Variants in R3HDM2 observed in about 807,000 individuals in gnomAD.
The protein encoded by R3HDM2 is R3H domain-containing protein 2.
R3HDM2 carries 38 observed loss-of-function variants against 124.5 expected under a neutral mutation model. The observed-to-expected ratio is 0.31, with a 90% CI of 0.24 to 0.40. The LOEUF is 0.40. Ranked by LOEUF, R3HDM2 falls within the 10% of genes least tolerant of loss-of-function variation. R3HDM2 has a pLI of 1.00. For missense variants in R3HDM2, 869 were observed against 1,236.9 expected, an observed-to-expected ratio of 0.70 and a Z score of 4.46; for synonymous variants, 391 against 448.0, an observed-to-expected ratio of 0.87 and a Z score of 1.61.
chr12:57,413,744 AAAC>A (rs570961964), intron 1 of R3HDM2, among the ~76,000 whole-genome samples: 4 of 151,820 alleles, frequency 2.6e-5, no homozygotes, highest in South Asian at 2.1e-4. Flanking sequence ...CTCAAGGAAA[AAAC>A]AACAACAACA....
chr12:57,375,503 T>C (rs1285430624), intron 2 of R3HDM2, among the ~76,000 whole-genome samples: 3 of 152,164 alleles, frequency 2.0e-5, no homozygotes, highest in Admixed American at 1.3e-4. Flanking sequence ...GCCATTCAAC[T>C]TACACTGTGC....
intron 12 of R3HDM2, among the ~76,000 whole-genome samples, chr12:57,288,649 C>T (rs1033341106): frequency 6.6e-6 from 1 of 151,866 alleles, no homozygotes; most frequent in East Asian, 1.9e-4. Flanking sequence ...GTTTAGGACT[C>T]GAAATGAAAT....
intron 2 of R3HDM2, among the ~76,000 whole-genome samples, chr12:57,373,664 C>CGGG (rs1045717681): frequency 6.6e-6 from 1 of 151,038 alleles, no homozygotes; most frequent in Non-Finnish European, 1.5e-5. Context: ...ACAAACTTAG[C>CGGG]GGGGGGTGGT....
chr12:57,275,955 T>C (rs188518973), intron 14 of R3HDM2, among the ~76,000 whole-genome samples: 148 of 152,198 alleles, frequency 9.7e-4, no homozygotes, highest in East Asian at 3.9e-3. Flanking sequence ...CAGTGGCTCA[T>C]GCCTGTAATC....
intron 2 of R3HDM2, among the ~76,000 whole-genome samples, chr12:57,315,015 C>T (rs564224451): frequency 4.0e-5 from 6 of 151,614 alleles, no homozygotes; most frequent in Admixed American, 6.6e-5. Flanking sequence ...TGTGCCACCA[C>T]GCCTGGCTAA....
intron 1 of R3HDM2, among the ~76,000 whole-genome samples, chr12:57,420,267 C>G (rs1236671797): frequency 2.0e-5 from 3 of 152,116 alleles, no homozygotes; most frequent in African/African-American, 7.2e-5. Flanking sequence ...AATTACTGTC[C>G]TCTCTCTCCA....
chr12:57,422,814 C>T (rs753665008), intron 1 of R3HDM2, among the ~76,000 whole-genome samples: 6 of 151,852 alleles, frequency 4.0e-5, no homozygotes, highest in Non-Finnish European at 7.4e-5. Flanking sequence ...GAACTCATCT[C>T]TACAAAATTA....
chr12:57,350,735 G>A (rs975253039), intron 2 of R3HDM2, among the ~76,000 whole-genome samples: 1 of 152,034 alleles, frequency 6.6e-6, no homozygotes, highest in Non-Finnish European at 1.5e-5. Flanking sequence ...CAGGAGGATC[G>A]CTTGAGCTCA....
At chr12:57,301,653 G>C (rs376226830) in intron 4 of R3HDM2, among the ~76,000 whole-genome samples, 1 of 152,190 alleles carries the variant, frequency 6.6e-6, no homozygotes, top group Admixed American at 6.5e-5. Context: ...CCGTCACTAT[G>C]GATCAGGCCA....
At chr12:57,388,069 A>T (rs1052905061) in intron 2 of R3HDM2, among the ~76,000 whole-genome samples, 1 of 152,158 alleles carries the variant, frequency 6.6e-6, no homozygotes, top group East Asian at 1.9e-4. Flanking sequence ...GGTTCAAGCG[A>T]TTCTCTTGCC....
chr12:57,374,556 A>C (rs1326168073), intron 2 of R3HDM2, among the ~76,000 whole-genome samples: 1 of 151,156 alleles, frequency 6.6e-6, no homozygotes. Flanking sequence ...GGTGGCAGGT[A>C]TCTGTAATCC....
At chr12:57,316,044 CTGAGA>C (rs1175633774) in intron 2 of R3HDM2, among the ~76,000 whole-genome samples, 1 of 152,224 alleles carries the variant, frequency 6.6e-6, no homozygotes, top group Non-Finnish European at 1.5e-5. Flanking sequence ...TTGCAGTGAG[CTGAGA>C]TCACTCCACT....
At chr12:57,360,686 G>T (rs533327805) in intron 2 of R3HDM2, among the ~76,000 whole-genome samples, 2 of 151,148 alleles carry the variant, frequency 1.3e-5, no homozygotes, top group Non-Finnish European at 2.9e-5. Context: ...AAGGAAAGGC[G>T]AAAGGAAAAA....
At chr12:57,428,606 G>A (rs1454687447) in intron 1 of R3HDM2, among the ~76,000 whole-genome samples, 2 of 152,118 alleles carry the variant, frequency 1.3e-5, no homozygotes, top group South Asian at 2.1e-4. Flanking sequence ...AGTGAGCCGA[G>A]ATTGCACCAC....
chr12:57,371,305 A>G (rs1402357896), intron 2 of R3HDM2, among the ~76,000 whole-genome samples: 1 of 151,926 alleles, frequency 6.6e-6, no homozygotes, highest in Non-Finnish European at 1.5e-5. Flanking sequence ...AAAAGCAGTG[A>G]TATCAAGGGA....
chr12:57,269,194 G>A, intron 16 of R3HDM2, 112 bp from the exon 17 acceptor site: 2 of 1,548,662 alleles, frequency 1.3e-6, no homozygotes, highest in Non-Finnish European at 1.8e-6. Context: ...GAGAGCATAG[G>A]TCTGTTCTTA....
chr12:57,411,713 T>A, intron 1 of R3HDM2, among the ~76,000 whole-genome samples: 1 of 152,206 alleles, frequency 6.6e-6, no homozygotes, highest in Non-Finnish European at 1.5e-5. Context: ...CTAATACTAT[T>A]TTGGACTTTC....
chr12:57,403,826 A>G (rs2068270998), intron 1 of R3HDM2, among the ~76,000 whole-genome samples: 1 of 151,672 alleles, frequency 6.6e-6, no homozygotes. Context: ...CTCAAAAAAA[A>G]AAAGGCAGGA....
In R3HDM2 at chr12:57,300,167, T is replaced by C. The variant is rs1374132608; in HGVS notation, c.222A>G (p.Leu74=). 1 of 1,551,416 alleles carries C rather than the reference T, an allele frequency of 6.4e-7. No individual in the cohort carries two copies. The highest frequency in any genetic ancestry group is 1.4e-5 in the African/African-American group (1 of 73,022). ...ACACTGCCAGGCTACGCACCAACTT[T>C]AGCTTGGAATTAGACTGAAAAAAAC... is the stretch of plus-strand genomic sequence containing the variant. ...ARKRAKSNSK[L]KLVRSLAVCE... Residue 74 remains leucine (L), a synonymous_variant, in exon 5 of 24, where the codon CTA becomes CTG. Coordinates refer to ENST00000402412, the MANE Select transcript of R3HDM2 (RefSeq NM_001394031.1).
Sources: allele counts gnomAD v4.1 joint callset (sites outside exome capture counted in the v4.1 genomes callset), GRCh38; gene constraint gnomAD v4.1.1; transcripts MANE v1.5; gene names NCBI Gene and HGNC (gene_info 2026-07-23, HGNC 2026-07-21).